The following SDK1 variants were observed in gnomAD, a reference collection of about 807,000 sequenced individuals.
SDK1 encodes the protein protein sidekick-1.
Under a neutral mutation model 245.5 loss-of-function variants are expected in SDK1, and 157 were observed. The observed-to-expected ratio is 0.64, with a 90% CI of 0.56 to 0.73. SDK1 has a LOEUF of 0.73. SDK1 is among the 30% of genes least tolerant of loss of function. The pLI, the probability that SDK1 is intolerant of heterozygous loss-of-function variation, is 0.00. For synonymous variants in SDK1, 1,647 were observed against 1,278.5 expected (o/e 1.29, Z -6.15); for missense variants, 3,583 against 3,002.3 (o/e 1.19, Z -4.52).
intron 38 of SDK1, 91 bp from the exon 39 acceptor site, chr7:4,220,018 C>A: frequency 4.8e-6 from 7 of 1,453,330 alleles, no homozygotes; most frequent in South Asian, 1.3e-5. Context: ...ACTGCAGGGA[C>A]CACTTTCCTT....
chr7:3,946,137 C>A (rs1195110132), intron 5 of SDK1, among the ~76,000 whole-genome samples: 1 of 151,678 alleles, frequency 6.6e-6, no homozygotes, highest in Non-Finnish European at 1.5e-5. Context: ...CTTTCAGTTA[C>A]CTAGCACAAT....
At chr7:4,207,796 C>T (rs554365991) in intron 36 of SDK1, among the ~76,000 whole-genome samples, 93 of 152,224 alleles carry the variant, frequency 6.1e-4, no homozygotes, top group Non-Finnish European at 1.1e-3. Context: ...GCTTCCCTTC[C>T]GTCCTCACAA....
chr7:3,764,193 A>G (rs1234931795), intron 4 of SDK1, among the ~76,000 whole-genome samples: 2 of 152,168 alleles, frequency 1.3e-5, no homozygotes, highest in Non-Finnish European at 2.9e-5. Flanking sequence ...CAGATGCTAC[A>G]GTAATTTCTT....
chr7:3,792,931 T>G (rs1364268700), intron 4 of SDK1, among the ~76,000 whole-genome samples: 1 of 152,236 alleles, frequency 6.6e-6, no homozygotes, highest in East Asian at 1.9e-4. Context: ...CATTCAGTTC[T>G]GCTTTGGAAC....
chr7:3,599,024 A>G (rs1781165886), intron 1 of SDK1, among the ~76,000 whole-genome samples: 1 of 150,406 alleles, frequency 6.6e-6, no homozygotes, highest in South Asian at 2.1e-4. Flanking sequence ...ATCAGAAACC[A>G]CCAGTCTGGT....
chr7:3,421,303 C>T (rs990053560), intron 1 of SDK1, among the ~76,000 whole-genome samples: 1 of 152,028 alleles, frequency 6.6e-6, no homozygotes, highest in African/African-American at 2.4e-5. Context: ...AATTCCTGAT[C>T]TCCAGTGACC....
At chr7:4,034,827 A>G (rs10234405) in intron 17 of SDK1, among the ~76,000 whole-genome samples, 48,239 of 152,196 alleles carry the variant, frequency 0.32, 11,886 homozygotes, top group African/African-American at 0.69. Context: ...ACAAGATGGC[A>G]TATTATATAT....
intron 5 of SDK1, among the ~76,000 whole-genome samples, chr7:3,887,133 T>G (rs1388485477): frequency 6.6e-6 from 1 of 152,220 alleles, no homozygotes; most frequent in Admixed American, 6.5e-5. Flanking sequence ...ATTTCTCACC[T>G]ATACAGCGTC....
chr7:4,197,640 C>A (rs1224324646), intron 35 of SDK1, among the ~76,000 whole-genome samples: 1 of 152,222 alleles, frequency 6.6e-6, no homozygotes, highest in Non-Finnish European at 1.5e-5. Flanking sequence ...GAGCGGAATG[C>A]CTGGTGCTGG....
chr7:3,475,981 C>T (rs1781337184), intron 1 of SDK1: 1 of 152,604 alleles, frequency 6.6e-6, no homozygotes, highest in African/African-American at 2.4e-5. Context: ...GCTGTTTATA[C>T]TTCCTGCTTA....
chr7:3,614,099 C>G (rs931513429), intron 1 of SDK1, among the ~76,000 whole-genome samples: 3 of 152,094 alleles, frequency 2.0e-5, no homozygotes, highest in East Asian at 1.9e-4. Context: ...TGTAACAAAC[C>G]TGCACATCCT....
At chr7:3,328,362 T>C (rs889733480) in intron 1 of SDK1, among the ~76,000 whole-genome samples, 3 of 152,122 alleles carry the variant, frequency 2.0e-5, no homozygotes, top group Admixed American at 2.0e-4. Flanking sequence ...CTTTTAGATA[T>C]ATATATTGAA....
chr7:4,162,086 A>T (rs2128212724), intron 32 of SDK1, among the ~76,000 whole-genome samples: 1 of 152,272 alleles, frequency 6.6e-6, no homozygotes, highest in African/African-American at 2.4e-5. Flanking sequence ...CACGTAGAGA[A>T]TGAACTTGAC....
chr7:4,227,325 C>G, intron 40 of SDK1: 1 of 467,364 alleles, frequency 2.1e-6, no homozygotes, highest in South Asian at 1.6e-5. Flanking sequence ...AGCCCGGCTT[C>G]CCACCCCTTC....
At chr7:3,712,498 C>T (rs1785077096) in intron 4 of SDK1, among the ~76,000 whole-genome samples, 1 of 152,160 alleles carries the variant, frequency 6.6e-6, no homozygotes, top group Admixed American at 6.5e-5. Context: ...AAATGTAATG[C>T]ACTTGAATCA....
intron 20 of SDK1, among the ~76,000 whole-genome samples, chr7:4,072,596 G>T (rs1445759038): frequency 6.6e-6 from 1 of 152,242 alleles, no homozygotes; most frequent in Non-Finnish European, 1.5e-5. Context: ...AAGGCAGAGT[G>T]TCTCATTGAG....
At chr7:3,533,105 C>G (rs1467815210) in intron 1 of SDK1, among the ~76,000 whole-genome samples, 10 of 152,192 alleles carry the variant, frequency 6.6e-5, no homozygotes, top group African/African-American at 2.4e-4. Context: ...AGCACTGTAG[C>G]CAACCTAAAC....
At chr7:3,367,141 A>G (rs572804172) in intron 1 of SDK1, among the ~76,000 whole-genome samples, 25 of 149,398 alleles carry the variant, frequency 1.7e-4, no homozygotes, top group African/African-American at 6.0e-4. Context: ...TTTGCCTACA[A>G]TTTTATTTTA....
chr7:4,178,710 T>A, intron 35 of SDK1, 124 bp downstream of exon 35: 1 of 686,146 alleles, frequency 1.5e-6, no homozygotes, highest in Non-Finnish European at 2.6e-6. Flanking sequence ...CACATTGCTG[T>A]CGGGGCTGAG....
Sources: allele counts gnomAD v4.1 joint callset (sites outside exome capture counted in the v4.1 genomes callset), GRCh38; gene constraint gnomAD v4.1.1; transcripts MANE v1.5; gene names NCBI Gene and HGNC (gene_info 2026-07-23, HGNC 2026-07-21).